KCNQ1: variants seen among roughly 807,000 people sequenced by gnomAD.
The protein encoded by KCNQ1 is potassium voltage-gated channel subfamily KQT member 1.
In KCNQ1, 49 loss-of-function variants were observed where a neutral mutation model predicts 72.4. The observed-to-expected ratio is 0.68, with a 90% CI of 0.54 to 0.86. The LOEUF (loss-of-function observed/expected upper bound fraction) is 0.86. KCNQ1 is among the 40% of genes least tolerant of loss of function. The pLI is 0.00. For missense variants in KCNQ1, 790 were observed against 945.1 expected (o/e 0.84, Z 2.15); for synonymous variants, 450 against 412.6 (o/e 1.09, Z -1.10).
chr11:2,836,689 G>T (rs762872569), intron 15 of KCNQ1, among the ~76,000 whole-genome samples: 1 of 152,218 alleles, frequency 6.6e-6, no homozygotes, highest in Non-Finnish European at 1.5e-5. Context: ...CAAGTGTGTC[G>T]CATGGAAACA....
chr11:2,638,333 T>C (rs1047426141), intron 10 of KCNQ1: 1 of 152,258 alleles, frequency 6.6e-6, no homozygotes, highest in African/African-American at 2.4e-5. Flanking sequence ...TTTCCATGTT[T>C]AGTGCTTCCT....
In KCNQ1 at chr11:2,458,589, C is replaced by T. The variant is rs535251871; in HGVS notation, c.386+13105C>T. On this transcript the variant is annotated intron_variant, in intron 1 of 15. Coordinates refer to ENST00000155840, the MANE Select transcript of KCNQ1 (RefSeq NM_000218.3). This position sits in a 1 kb window ranked among gnomAD's most constrained non-coding sequence, Gnocchi z 4.6. Reference sequence around the variant, plus strand: ...ACCTCTCCAAAGCAGTAAAGGCCTTCGGACAGTGCACAGAAAGTGCTCCCA... The same window carrying T: ...ACCTCTCCAAAGCAGTAAAGGCCTTTGGACAGTGCACAGAAAGTGCTCCCA... Among the ~76,000 whole-genome samples, 10 of 152,292 alleles carry T rather than the reference C, an allele frequency of 6.6e-5. No individual in the cohort carries two copies. The highest frequency in any genetic ancestry group is 1.9e-4 in the East Asian group (1 of 5,178).
In KCNQ1 at chr11:2,485,433, A is replaced by G. The variant is rs535224345; in HGVS notation, c.386+39949A>G. ...TGTCTCTCTTGCAGGCCTCTCGCAC[A>G]GATGAGAAAATACACGTGTGTTTTC... On this transcript the variant is annotated intron_variant, in intron 1 of 15. Transcript: ENST00000155840. Among the ~76,000 whole-genome samples, 331 of 140,536 alleles carry G rather than the reference A, an allele frequency of 2.4e-3. 1 individual carries two copies. Among genetic ancestry groups the G allele is most frequent in the African/African-American group, 8.5e-3 (324 of 37,968 alleles). 92.2% of individuals were successfully genotyped at this position (140,536 alleles called of 152,430 possible).
At chr11:2,797,215 G>A (rs1399180535) in intron 15 of KCNQ1, among the ~76,000 whole-genome samples, 1 of 152,158 alleles carries the variant, frequency 6.6e-6, no homozygotes, top group Non-Finnish European at 1.5e-5. Context: ...TGGGGGCTGG[G>A]CCACGGAGAG....
At position 2,737,621 on chromosome 11, in the gene KCNQ1, G is replaced by A. The variant is rs114691250; in HGVS notation, c.1515-31223G>A. Among the ~76,000 whole-genome samples, 888 of 152,286 alleles carry A rather than the reference G, an allele frequency of 5.8e-3. 5 individuals carry two copies. The highest frequency in any genetic ancestry group is 0.02 in the African/African-American group (815 of 41,542). On this transcript the variant is annotated intron_variant, in intron 11 of 15. Coordinates refer to ENST00000155840, the MANE Select transcript of KCNQ1 (RefSeq NM_000218.3). ...CGTGAGTGAATTTGACTCCGTTCAC[G>A]GCGAAGAAGCTTTGTGTAAAATGCC...
At chr11:2,699,084 A>G (rs1850726412) in intron 11 of KCNQ1, 1 of 398,418 alleles carries the variant, frequency 2.5e-6, no homozygotes, top group Non-Finnish European at 4.4e-6. Flanking sequence ...TGGATTCCCA[A>G]CTTCCATCCC....
chr11:2,774,122 T>C (rs961353326), intron 12 of KCNQ1, among the ~76,000 whole-genome samples: 4 of 151,094 alleles, frequency 2.6e-5, no homozygotes, highest in Admixed American at 6.6e-5. Flanking sequence ...AGCATCCCCT[T>C]TTACGGAAGA....
At chr11:2,800,061 C>T (rs559364500) in intron 15 of KCNQ1, among the ~76,000 whole-genome samples, 22 of 152,310 alleles carry the variant, frequency 1.4e-4, no homozygotes, top group Admixed American at 2.6e-4. Flanking sequence ...CCAAGGGCTC[C>T]GATAAGGCTG....
At chr11:2,666,256 A>G (rs899773371) in intron 11 of KCNQ1, 1 of 398,670 alleles carries the variant, frequency 2.5e-6, no homozygotes, top group Non-Finnish European at 4.4e-6. Context: ...GGGGAGGACC[A>G]GGACCCCCGA....
Position 2,647,964 on chromosome 11 carries a change from A to G in KCNQ1, c.1394-13997A>G, listed in dbSNP as rs1371996906. On this transcript the variant is annotated intron_variant, in intron 10 of 15. Coordinates refer to ENST00000155840, the MANE Select transcript of KCNQ1 (RefSeq NM_000218.3). This position sits in a 1 kb window ranked among gnomAD's most constrained non-coding sequence, Gnocchi z 4.0. ...TTTGTTGGCTCACACCTGTAAACCC[A>G]GTACTTTGGAAGGCCAAGGCAGGCC... 11 of 397,954 alleles carry G rather than the reference A, an allele frequency of 2.8e-5. No homozygotes were observed. The highest frequency in any genetic ancestry group is 3.5e-5 in the Non-Finnish European group (8 of 226,036). The allele number at this position is 397,954 out of a possible 1,614,324, so 24.7% of individuals were successfully genotyped here. A position where few individuals can be genotyped will look rare whatever the true frequency, so the allele number is the denominator to read the frequency against.
chr11:2,629,111 T>C, intron 10 of KCNQ1: 1 of 398,314 alleles, frequency 2.5e-6, no homozygotes, highest in Non-Finnish European at 4.4e-6. Flanking sequence ...GGATTTTTTT[T>C]GTCTATATCT....
rs1030066462 is a variant in KCNQ1 at position 2,515,455 on chromosome 11, C to T, written c.387-12473C>T. 2.4e-4 allele frequency among the ~76,000 whole-genome samples: 36 copies of T among 151,386 alleles called. No homozygotes were observed. The highest frequency in any genetic ancestry group is 4.2e-4 in the South Asian group (2 of 4,790). On this transcript the variant is annotated intron_variant, in intron 1 of 15. Coordinates refer to ENST00000155840, the MANE Select transcript of KCNQ1 (RefSeq NM_000218.3). The surrounding 1 kb of genome is among the most constrained non-coding windows in gnomAD (Gnocchi z 4.7). Reference sequence around the variant, plus strand: ...CCTGTCCACCCCTCCCACCCGTCCCCGAGGCCCCTGCTGCCCAGCAAGACC... The same window carrying T: ...CCTGTCCACCCCTCCCACCCGTCCCTGAGGCCCCTGCTGCCCAGCAAGACC...
chr11:2,480,785 C>A (rs1846639030), intron 1 of KCNQ1, among the ~76,000 whole-genome samples: 1 of 151,828 alleles, frequency 6.6e-6, no homozygotes, highest in South Asian at 2.1e-4. Flanking sequence ...ATTTTGACAA[C>A]AGTACCACAT....
chr11:2,453,050 A>G (rs1028578089), intron 1 of KCNQ1, among the ~76,000 whole-genome samples: 1 of 152,204 alleles, frequency 6.6e-6, no homozygotes, highest in Admixed American at 6.5e-5. Context: ...AGATGCGTGG[A>G]GGAGATTTAT....
rs774883155 is a variant in KCNQ1, at chr11:2,848,103, AGAG to A, written c.*101_*103del. ...GGAGGCCACCTCCTAAAAGGCCCAG[AGAG>A]AAGAGCCCCACTCTCAGAGGCCCCA... On this transcript the variant is annotated 3_prime_UTR_variant, in exon 16 of 16. Transcript: ENST00000155840. 1.0e-6 allele frequency: 1 copy of A among 999,400 alleles called. No homozygotes were observed. Among genetic ancestry groups the A allele is most frequent in the South Asian group, 1.4e-5 (1 of 73,286 alleles). The allele number at this position is 999,400 out of a possible 1,614,324, so 61.9% of individuals were successfully genotyped here.
chr11:2,645,621 G>A lies in KCNQ1; in HGVS notation c.1394-16340G>A, dbSNP rs1849654203. On this transcript the variant is annotated intron_variant, in intron 10 of 15. Coordinates refer to ENST00000155840, the MANE Select transcript of KCNQ1 (RefSeq NM_000218.3). This position sits in a 1 kb window ranked among gnomAD's most constrained non-coding sequence, Gnocchi z 5.8. ...GCCCCAGGTGGTGACTATGGGCAGGGTCACCTTTCCTCATGGCAGCCTTGC... is the reference window on the plus strand; with the variant it reads ...GCCCCAGGTGGTGACTATGGGCAGGATCACCTTTCCTCATGGCAGCCTTGC... The A allele has an allele frequency of 2.0e-5, 8 of 398,630 alleles. No individual in the cohort carries two copies. In the South Asian group the frequency reaches 3.8e-4, roughly 19 times the overall value. The allele number at this position is 398,630 out of a possible 1,614,324, so 24.7% of individuals were successfully genotyped here. A position where few individuals can be genotyped will look rare whatever the true frequency, so the allele number is the denominator to read the frequency against.
chr11:2,584,289 CAT>C (rs56887257), intron 7 of KCNQ1, among the ~76,000 whole-genome samples: 5,062 of 152,128 alleles, frequency 0.033, 277 homozygotes, highest in African/African-American at 0.11. Flanking sequence ...TGTGTGTGCA[CAT>C]GACATGTAGA....
At chr11:2,742,541 T>G (rs1024196903) in intron 11 of KCNQ1, among the ~76,000 whole-genome samples, 5 of 152,184 alleles carry the variant, frequency 3.3e-5, no homozygotes, top group African/African-American at 9.7e-5. Flanking sequence ...CCCCGGCCCT[T>G]TCTCGGGGCA....
At position 2,725,090 on chromosome 11, in the gene KCNQ1, C is replaced by T. The variant is rs984872621; in HGVS notation, c.1515-43754C>T. Among the ~76,000 whole-genome samples, 1 of 152,210 alleles carries T rather than the reference C, an allele frequency of 6.6e-6. No homozygotes were observed. Among genetic ancestry groups the T allele is most frequent in the Admixed American group, 6.5e-5 (1 of 15,284 alleles). ...TCAGACAATGACTCCTAAACAAGCT[C>T]ACGTCTTGAAGCAGTGCTGGACCCG... On this transcript the variant is annotated intron_variant, in intron 11 of 15. Coordinates refer to ENST00000155840, the MANE Select transcript of KCNQ1 (RefSeq NM_000218.3). The surrounding 1 kb of genome is among the most constrained non-coding windows in gnomAD (Gnocchi z 7.2).
Sources: allele counts gnomAD v4.1 joint callset (sites outside exome capture counted in the v4.1 genomes callset), GRCh38; gene constraint gnomAD v4.1.1; non-coding constraint Gnocchi (gnomAD v3.1); transcripts MANE v1.5; gene names NCBI Gene and HGNC (gene_info 2026-07-23, HGNC 2026-07-21).